Variants in MYH11 observed in about 807,000 individuals in gnomAD.
MYH11 encodes myosin heavy chain 11.
In MYH11, 80 loss-of-function variants were observed where a neutral mutation model predicts 246.6. The ratio of observed to expected loss-of-function variants is 0.32; its 90% CI spans 0.27 to 0.39. The LOEUF (loss-of-function observed/expected upper bound fraction) is 0.39. Ranked by LOEUF, MYH11 falls within the 10% of genes least tolerant of loss-of-function variation. The pLI is 1.00. For missense variants in MYH11, 2,158 were observed against 2,546.8 expected (o/e 0.85, Z 3.29); for synonymous variants, 1,071 against 1,015.5 (o/e 1.05, Z -1.04).
At chr16:15,802,011 G>C (rs1437216599) in intron 3 of MYH11, among the ~76,000 whole-genome samples, 1 of 152,080 alleles carries the variant, frequency 6.6e-6, no homozygotes, top group African/African-American at 2.4e-5. Flanking sequence ...GAAGTATTGA[G>C]AAAAGGGACA....
chr16:15,719,759 C>T lies in MYH11; in HGVS notation c.4954-46G>A, dbSNP rs1286996283. 2.5e-6 allele frequency: 4 copies of T among 1,613,094 alleles called. No individual in the cohort carries two copies. The Admixed American group carries it at 5.0e-5, about 20-fold the overall frequency. The stretch of plus-strand genomic sequence containing the variant: ...GACAAGCTCAGATGTCCTTACTCCC[C>T]CAAGTTCTGCTGCCCAGTTCAGCTT... On this transcript the variant is annotated intron_variant, in intron 34 of 40. Transcript: ENST00000300036.
chr16:15,744,031 G>C (rs962400255), intron 20 of MYH11, among the ~76,000 whole-genome samples: 5 of 151,952 alleles, frequency 3.3e-5, no homozygotes, highest in Non-Finnish European at 7.4e-5. Flanking sequence ...AGCACTTTGG[G>C]AGCCTGAAGC....
chr16:15,841,502 C>T (rs2044050254), intron 1 of MYH11, among the ~76,000 whole-genome samples: 1 of 152,068 alleles, frequency 6.6e-6, no homozygotes, highest in Non-Finnish European at 1.5e-5. Context: ...CTTGATTCTG[C>T]GTTTTCTATA....
intron 2 of MYH11, among the ~76,000 whole-genome samples, chr16:15,829,177 T>G (rs975374677): frequency 8.1e-5 from 12 of 147,478 alleles, no homozygotes; most frequent in African/African-American, 2.8e-4. Context: ...AGTGAGACTG[T>G]CTCAAAGAAA....
chr16:15,849,743 C>A (rs746022757), intron 1 of MYH11, among the ~76,000 whole-genome samples: 1 of 152,116 alleles, frequency 6.6e-6, no homozygotes, highest in East Asian at 1.9e-4. Flanking sequence ...TGAGCCACCG[C>A]GCCCAGGCTG....
chr16:15,852,569 C>T (rs2044358005), intron 1 of MYH11, among the ~76,000 whole-genome samples: 1 of 152,058 alleles, frequency 6.6e-6, no homozygotes, highest in South Asian at 2.1e-4. Context: ...GAACTCCTGA[C>T]CTCAGGTGAC....
Position 15,724,809 on chromosome 16 carries a change from G to A in MYH11, c.3964-10C>T. 6.2e-7 allele frequency: 1 copy of A among 1,613,782 alleles called. No homozygotes were observed. Among genetic ancestry groups the A allele is most frequent in the Non-Finnish European group, 8.5e-7 (1 of 1,180,022 alleles). On this transcript the variant is annotated splice_polypyrimidine_tract_variant and intron_variant, in intron 29 of 40. Transcript: ENST00000300036. ...CTTCTTGAAGCAGCTCCTGCAAAAG[G>A]GATGCAAAGAGGTCCCAGGGACCTG...
rs762030312 is a variant in MYH11, at chr16:15,737,434, T to C, written c.3293+15A>G. On this transcript the variant is annotated intron_variant, in intron 25 of 40. Transcript: ENST00000300036. ...ACATGGACACACAGCAAATGCCCCTTGCCAGCCCCGCTACCTGGCCAGGGC... is the reference window on the plus strand; with the variant it reads ...ACATGGACACACAGCAAATGCCCCTCGCCAGCCCCGCTACCTGGCCAGGGC... 6 of 1,610,030 alleles carry C rather than the reference T, an allele frequency of 3.7e-6. No homozygotes were observed. Among genetic ancestry groups the C allele is most frequent in the Non-Finnish European group, 4.2e-6 (5 of 1,179,996 alleles).
At chr16:15,782,606 G>C in intron 5 of MYH11, 129 bp from the exon 6 acceptor site, 1 of 708,780 alleles carries the variant, frequency 1.4e-6, no homozygotes, top group Non-Finnish European at 2.5e-6. Context: ...CCTCCTCTTA[G>C]ACCCTGATGC....
chr16:15,725,198 G>A lies in MYH11; in HGVS notation c.3859-206C>T, dbSNP rs760023. ...GAATCTGTGGCTTGAAGGGAACTCCGTCACCTATGAGTTGGGACCCTGGCC... is the reference window on the plus strand; with the variant it reads ...GAATCTGTGGCTTGAAGGGAACTCCATCACCTATGAGTTGGGACCCTGGCC... On this transcript the variant is annotated intron_variant, in intron 28 of 40. Transcript: ENST00000300036. 0.041 allele frequency: 25,279 copies of A among 617,642 alleles called. 1,907 individuals carry two copies. Among genetic ancestry groups the A allele is most frequent in the African/African-American group, 0.25 (13,586 of 53,896 alleles). 38.3% of individuals were successfully genotyped at this position (617,642 alleles called of 1,614,324 possible).
chr16:15,763,741 T>TCGGGG, intron 10 of MYH11, 55 bp downstream of exon 10: 1 of 646,862 alleles, frequency 1.5e-6, no homozygotes, highest in Non-Finnish European at 2.9e-6. Flanking sequence ...AAATGTCACC[T>TCGGGG]CCCCCACCCC....
chr16:15,799,289 A>G (rs2042826448), intron 3 of MYH11, among the ~76,000 whole-genome samples: 1 of 152,162 alleles, frequency 6.6e-6, no homozygotes, highest in Non-Finnish European at 1.5e-5. Context: ...TCCAGGCTGC[A>G]TTGGTCAGAC....
chr16:15,738,469 C>T, intron 24 of MYH11, 96 bp downstream of exon 24: 1 of 1,205,298 alleles, frequency 8.3e-7, no homozygotes, highest in Non-Finnish European at 1.2e-6. Flanking sequence ...GCCATGATCG[C>T]ACCACTGCAC....
At chr16:15,737,769 G>T in intron 24 of MYH11, 149 bp from the exon 25 acceptor site, 1 of 772,346 alleles carries the variant, frequency 1.3e-6, no homozygotes, top group South Asian at 1.6e-5. Flanking sequence ...ATTATCTCCC[G>T]ATGAACAGCA....
chr16:15,793,689 A>G (rs1308523883), intron 4 of MYH11, among the ~76,000 whole-genome samples: 6 of 124,858 alleles, frequency 4.8e-5, no homozygotes, highest in Non-Finnish European at 9.6e-5. Flanking sequence ...GCGTGATCTC[A>G]GCTCACTGCA....
At chr16:15,836,329 GTGGC>G (rs1456288056) in intron 2 of MYH11, among the ~76,000 whole-genome samples, 1 of 152,108 alleles carries the variant, frequency 6.6e-6, no homozygotes, top group Non-Finnish European at 1.5e-5. Flanking sequence ...CTAGCCACAG[GTGGC>G]TATTGACTAC....
At chr16:15,740,322 A>G in intron 22 of MYH11, 134 bp from the exon 23 acceptor site, 1 of 1,410,078 alleles carries the variant, frequency 7.1e-7, no homozygotes, top group Non-Finnish European at 9.8e-7. Flanking sequence ...AGGAAGAAAT[A>G]AAGGCCTGAG....
intron 4 of MYH11, among the ~76,000 whole-genome samples, chr16:15,795,249 C>T (rs1244667269): frequency 2.6e-5 from 4 of 151,706 alleles, no homozygotes; most frequent in African/African-American, 9.7e-5. Context: ...GCCAAGATCG[C>T]ACCACTGCAC....
intron 31 of MYH11, 62 bp downstream of exon 31, chr16:15,724,099 G>T: frequency 6.2e-7 from 1 of 1,607,964 alleles, no homozygotes; most frequent in Non-Finnish European, 8.5e-7. Context: ...GTCATACTCT[G>T]CAGAGCTGAT....
Sources: gnomAD v4.1 joint callset for allele counts (sites outside exome capture counted in the v4.1 genomes callset) on GRCh38, gnomAD v4.1.1 for gene constraint, MANE v1.5 for transcripts, NCBI Gene and HGNC (gene_info 2026-07-23, HGNC 2026-07-21) for gene names.